P4HA1: variants seen among roughly 807,000 people sequenced by gnomAD.
P4HA1 encodes the protein prolyl 4-hydroxylase subunit alpha-1.
Under a neutral mutation model 72.8 loss-of-function variants are expected in P4HA1, and 24 were observed. That is an observed-to-expected ratio of 0.33 (90% CI 0.24 to 0.46). The LOEUF (loss-of-function observed/expected upper bound fraction) is 0.46. Among genes scored for constraint, P4HA1 ranks in the 20% least tolerant of loss-of-function variants. The pLI is 1.00. For synonymous variants in P4HA1, 201 were observed against 218.8 expected, an observed-to-expected ratio of 0.92 and a Z score of 0.72; for missense variants, 446 against 640.6, an observed-to-expected ratio of 0.70 and a Z score of 3.28.
At chr10:73,077,906 T>C (rs1841736890) in intron 1 of P4HA1, among the ~76,000 whole-genome samples, 1 of 151,346 alleles carries the variant, frequency 6.6e-6, no homozygotes, top group African/African-American at 2.4e-5. Flanking sequence ...GGAGGATCAC[T>C]TGAGACCAGG....
rs141702741 is a variant in P4HA1 at position 73,087,378 on chromosome 10, C to T, written c.-33+9388G>A. 1.5e-4 allele frequency among the ~76,000 whole-genome samples: 22 copies of T among 151,214 alleles called. No individual in the cohort carries two copies. In the East Asian group the frequency reaches 2.9e-3, roughly 20 times the overall value. On this transcript the variant is annotated intron_variant, in intron 1 of 14. Coordinates refer to ENST00000394890, the MANE Select transcript of P4HA1 (RefSeq NM_001017962.3). The stretch of plus-strand genomic sequence containing the variant: ...CCACCTCCTGGGTTCAAGTGATTCT[C>T]GTGTCTCAGCCTCCTAGGTAGCTGG...
intron 10 of P4HA1, among the ~76,000 whole-genome samples, chr10:73,023,693 C>T (rs774262518): frequency 2.6e-5 from 4 of 151,510 alleles, no homozygotes; most frequent in Admixed American, 6.6e-5. Context: ...TGAAAAGGCA[C>T]AGACTGGCAA....
At chr10:73,024,189 A>AT (rs1840207183) in intron 10 of P4HA1, among the ~76,000 whole-genome samples, 1 of 152,222 alleles carries the variant, frequency 6.6e-6, no homozygotes, top group African/African-American at 2.4e-5. Flanking sequence ...CAGAATATAC[A>AT]TTCTTCTCAG....
intron 1 of P4HA1, chr10:73,082,497 A>G (rs549763957): frequency 1.3e-5 from 2 of 152,296 alleles, no homozygotes; most frequent in Admixed American, 1.3e-4. Context: ...CTCTTTTTTT[A>G]AGCTAGTCAA....
chr10:73,045,294 GAAATT>G (rs996367101), intron 8 of P4HA1, among the ~76,000 whole-genome samples: 1 of 151,102 alleles, frequency 6.6e-6, no homozygotes, highest in Non-Finnish European at 1.5e-5. Flanking sequence ...AAAGAGATTG[GAAATT>G]AAATTTCTTT....
chr10:73,087,578 CT>C (rs1206622364), intron 1 of P4HA1, among the ~76,000 whole-genome samples: 1 of 151,568 alleles, frequency 6.6e-6, no homozygotes, highest in African/African-American at 2.4e-5. Context: ...TGTTTAACAC[CT>C]TTTGGGGTGT....
chr10:73,083,979 C>G (rs1269216903), intron 1 of P4HA1, among the ~76,000 whole-genome samples: 1 of 151,910 alleles, frequency 6.6e-6, no homozygotes. Flanking sequence ...AACAAGCTAA[C>G]AAAAAAACAA....
chr10:73,088,469 G>A (rs1841966239), intron 1 of P4HA1, among the ~76,000 whole-genome samples: 1 of 152,052 alleles, frequency 6.6e-6, no homozygotes, highest in African/African-American at 2.4e-5. Context: ...CCACACATGG[G>A]GACCATCAAA....
intron 11 of P4HA1, 107 bp downstream of exon 11, chr10:73,016,739 T>C: frequency 1.3e-6 from 1 of 755,526 alleles, no homozygotes; most frequent in South Asian, 1.6e-5. Context: ...ATCGTGCTAC[T>C]GCACTCCAGC....
intron 14 of P4HA1, among the ~76,000 whole-genome samples, chr10:73,008,829 T>TTTC (rs1000782206): frequency 6.6e-6 from 1 of 152,088 alleles, no homozygotes; most frequent in African/African-American, 2.4e-5. Flanking sequence ...ATTTTCTATT[T>TTTC]TTTTTTTGTC....
chr10:73,092,273 A>G (rs1221348525), intron 1 of P4HA1, among the ~76,000 whole-genome samples: 1 of 151,634 alleles, frequency 6.6e-6, no homozygotes, highest in Non-Finnish European at 1.5e-5. Context: ...TACTTCTCCT[A>G]TGAAACATTT....
chr10:73,044,845 C>G (rs1238554235), intron 9 of P4HA1, 136 bp downstream of exon 9: 4 of 564,356 alleles, frequency 7.1e-6, no homozygotes, highest in Non-Finnish European at 1.2e-5. Flanking sequence ...TTTATCCATG[C>G]GTTATCCTGT....
chr10:73,036,098 G>C (rs1421401473), intron 9 of P4HA1, among the ~76,000 whole-genome samples: 1 of 149,882 alleles, frequency 6.7e-6, no homozygotes, highest in Non-Finnish European at 1.5e-5. Flanking sequence ...TGAGGCAGAA[G>C]AATCTCTTGA....
In P4HA1 at chr10:73,078,600, ATT is replaced by A. The variant is rs770821126; in HGVS notation, c.-32-3687_-32-3686del. The stretch of plus-strand genomic sequence containing the variant: ...TCTCTGGTTAGCAAAGCAGTAGGTA[ATT>A]TTTTTTTTTTTTTTTTTTTTTTTTT... On this transcript the variant is annotated intron_variant, in intron 1 of 14. Transcript: ENST00000394890. 7.9e-4 allele frequency among the ~76,000 whole-genome samples: 79 copies of A among 99,694 alleles called. 1 individual carries two copies. Among genetic ancestry groups the A allele is most frequent in the African/African-American group, 2.9e-3 (62 of 21,272 alleles). 65.4% of individuals were successfully genotyped at this position (99,694 alleles called of 152,430 possible).
intron 7 of P4HA1, among the ~76,000 whole-genome samples, chr10:73,047,818 G>A (rs1840910554): frequency 6.6e-6 from 1 of 152,114 alleles, no homozygotes; most frequent in Non-Finnish European, 1.5e-5. Context: ...GGGATGCTGA[G>A]GTAGGAGGAT....
intron 12 of P4HA1, among the ~76,000 whole-genome samples, chr10:73,012,248 C>A (rs369041687): frequency 6.6e-6 from 1 of 152,144 alleles, no homozygotes; most frequent in South Asian, 2.1e-4. Context: ...TGAAAAGATG[C>A]TCAACCTCTC....
chr10:73,043,515 G>T (rs927602853), intron 9 of P4HA1, among the ~76,000 whole-genome samples: 2 of 152,118 alleles, frequency 1.3e-5, no homozygotes, highest in African/African-American at 4.8e-5. Context: ...ACTTACTTAC[G>T]CAATACCTGC....
At chr10:73,071,860 A>T (rs1841573479) in intron 4 of P4HA1, among the ~76,000 whole-genome samples, 169 bp downstream of exon 4, 1 of 152,198 alleles carries the variant, frequency 6.6e-6, no homozygotes, top group Admixed American at 6.5e-5. Context: ...TTAATCAAAG[A>T]ATTCAGGATT....
intron 5 of P4HA1, among the ~76,000 whole-genome samples, chr10:73,057,687 C>A (rs967106332): frequency 5.3e-5 from 8 of 152,052 alleles, no homozygotes; most frequent in African/African-American, 1.9e-4. Context: ...CCAAACAAAG[C>A]ACATTTGAGG....
Sources: allele counts gnomAD v4.1 joint callset (sites outside exome capture counted in the v4.1 genomes callset), GRCh38; gene constraint gnomAD v4.1.1; transcripts MANE v1.5; gene names NCBI Gene and HGNC (gene_info 2026-07-23, HGNC 2026-07-21).